LPGAT1: variants seen among roughly 807,000 people sequenced by gnomAD.
The protein encoded by LPGAT1 is lysophosphatidylglycerol acyltransferase 1.
Under a neutral mutation model 47.5 loss-of-function variants are expected in LPGAT1, and 11 were observed. The observed-to-expected ratio is 0.23, with a 90% CI of 0.15 to 0.38. LPGAT1 has a LOEUF of 0.38. LPGAT1 is among the 10% of genes least tolerant of loss of function. LPGAT1 has a pLI of 1.00. For missense variants in LPGAT1, 293 were observed against 439.0 expected (o/e 0.67, Z 2.97); for synonymous variants, 138 against 144.2 (o/e 0.96, Z 0.31).
Position 211,830,700 on chromosome 1 carries a change from C to T in LPGAT1, c.-155G>A. ...GCCCCGCTCCGGCTGTGGCGCGGCC[C>T]GCGCCCGTTCCCCGGCGGCGCCGAG... On this transcript the variant is annotated 5_prime_UTR_variant, in exon 1 of 8. Coordinates refer to ENST00000366997, the MANE Select transcript of LPGAT1 (RefSeq NM_014873.3). The surrounding 1 kb of genome is among the most constrained non-coding windows in gnomAD (Gnocchi z 5.9). The T allele has an allele frequency of 1.7e-6, 2 of 1,189,434 alleles. No homozygotes were observed. Among genetic ancestry groups the T allele is most frequent in the Non-Finnish European group, 2.1e-6 (2 of 960,646 alleles). 73.7% of individuals were successfully genotyped at this position (1,189,434 alleles called of 1,614,324 possible). A position where few individuals can be genotyped will look rare whatever the true frequency, so the allele number is the denominator to read the frequency against.
At position 211,813,229 on chromosome 1, in the gene LPGAT1, A is replaced by G. The variant is rs377093533; in HGVS notation, c.238+15830T>C. ...TCATTTCATTATCTCTTGGGGTTCA[A>G]CTCTACGAATGCATTAAAAGGAAGT... is the stretch of plus-strand genomic sequence containing the variant. On this transcript the variant is annotated intron_variant, in intron 2 of 7. Transcript: ENST00000366997. Among the ~76,000 whole-genome samples, 4 of 152,212 alleles carry G rather than the reference A, an allele frequency of 2.6e-5. No homozygotes were observed. In the East Asian group the frequency reaches 5.8e-4, roughly 22 times the overall value.
chr1:211,785,056 G>A (rs1658820647), intron 4 of LPGAT1, among the ~76,000 whole-genome samples: 1 of 152,030 alleles, frequency 6.6e-6, no homozygotes, highest in Admixed American at 6.6e-5. Context: ...GCCCCCCTTG[G>A]CCTCCCAAAG....
At chr1:211,809,250 A>T (rs1659878029) in intron 2 of LPGAT1, among the ~76,000 whole-genome samples, 1 of 152,070 alleles carries the variant, frequency 6.6e-6, no homozygotes, top group African/African-American at 2.4e-5. Context: ...GGTAGCTAAG[A>T]CTTCACATCT....
chr1:211,826,957 C>T (rs1660562539), intron 2 of LPGAT1, among the ~76,000 whole-genome samples: 1 of 152,132 alleles, frequency 6.6e-6, no homozygotes, highest in South Asian at 2.1e-4. Context: ...GCTAATATAA[C>T]ACCTGACATT....
chr1:211,747,639 C>A lies in LPGAT1; in HGVS notation c.*2260G>T, dbSNP rs1656995936. On this transcript the variant is annotated 3_prime_UTR_variant, in exon 8 of 8. Coordinates refer to ENST00000366997, the MANE Select transcript of LPGAT1 (RefSeq NM_014873.3). Reference sequence around the variant, plus strand: ...GGTCTATCAGCTAGGACCGTGCATGCTGTATTTGACAGTGAGCAACTTCTC... The same window carrying A: ...GGTCTATCAGCTAGGACCGTGCATGATGTATTTGACAGTGAGCAACTTCTC... 1 of 152,190 alleles carries A rather than the reference C, an allele frequency of 6.6e-6. No individual in the cohort carries two copies. The highest frequency in any genetic ancestry group is 1.5e-5 in the Non-Finnish European group (1 of 68,042). 9.4% of individuals were successfully genotyped at this position (152,190 alleles called of 1,614,324 possible).
intron 2 of LPGAT1, among the ~76,000 whole-genome samples, chr1:211,809,904 T>C (rs1356894441): frequency 1.3e-5 from 2 of 152,022 alleles, no homozygotes; most frequent in African/African-American, 4.8e-5. Context: ...TTCTAACATC[T>C]CCTAAAGGTA....
At chr1:211,770,527 C>G (rs569410482) in intron 6 of LPGAT1, among the ~76,000 whole-genome samples, 1 of 152,272 alleles carries the variant, frequency 6.6e-6, no homozygotes, top group African/African-American at 2.4e-5. Context: ...ACATTTCAGT[C>G]AACGACGGAC....
rs900903488 is a variant in LPGAT1 at position 211,829,872 on chromosome 1, T to G, written c.-27-549A>C. On this transcript the variant is annotated intron_variant, in intron 1 of 7. Coordinates refer to ENST00000366997, the MANE Select transcript of LPGAT1 (RefSeq NM_014873.3). ...TAGCAATAGGGTTTTTGTTTCCCTT[T>G]TTTTTTTAAGAAAAAAAATGGGGGG... is the stretch of plus-strand genomic sequence containing the variant. 4 of 984,268 alleles carry G rather than the reference T, an allele frequency of 4.1e-6. No individual in the cohort carries two copies. The East Asian group carries it at 4.6e-4, about 112-fold the overall frequency. The allele number at this position is 984,268 out of a possible 1,614,324, so 61.0% of individuals were successfully genotyped here. A position where few individuals can be genotyped will look rare whatever the true frequency, so the allele number is the denominator to read the frequency against.
intron 4 of LPGAT1, among the ~76,000 whole-genome samples, chr1:211,787,386 G>A (rs1456737478): frequency 6.6e-6 from 1 of 151,554 alleles, no homozygotes; most frequent in Admixed American, 6.6e-5. Context: ...TACTCCAAAG[G>A]CTGAGGCATG....
chr1:211,773,654 T>C (rs1658270251), intron 6 of LPGAT1, among the ~76,000 whole-genome samples: 1 of 152,226 alleles, frequency 6.6e-6, no homozygotes, highest in Non-Finnish European at 1.5e-5. Context: ...AGGACAGACA[T>C]TACTTTTGCC....
At chr1:211,821,648 T>C (rs1174110110) in intron 2 of LPGAT1, among the ~76,000 whole-genome samples, 2 of 152,202 alleles carry the variant, frequency 1.3e-5, no homozygotes, top group Non-Finnish European at 2.9e-5. Flanking sequence ...ATAGCACAGA[T>C]GTATACGCTA....
intron 2 of LPGAT1, among the ~76,000 whole-genome samples, chr1:211,825,233 C>A (rs1388449007): frequency 2.2e-5 from 3 of 136,496 alleles, no homozygotes; most frequent in Non-Finnish European, 4.6e-5. Context: ...TCTCTGTCGC[C>A]CAGATTGGAG....
At chr1:211,765,175 T>C (rs1657856170) in intron 6 of LPGAT1, among the ~76,000 whole-genome samples, 1 of 152,234 alleles carries the variant, frequency 6.6e-6, no homozygotes, top group African/African-American at 2.4e-5. Flanking sequence ...GTTTTTAAAC[T>C]TTTTATTTTG....
At chr1:211,821,708 G>A (rs1213227470) in intron 2 of LPGAT1, among the ~76,000 whole-genome samples, 2 of 152,092 alleles carry the variant, frequency 1.3e-5, no homozygotes, top group African/African-American at 2.4e-5. Flanking sequence ...AAGAGAAAGG[G>A]GAAGACACAA....
rs1164955447 is a variant in LPGAT1, at chr1:211,744,144, G to A, written c.*5755C>T. ...TCCTACCCTTTAAAGCCCTGGCCAG[G>A]GTCAGTGATAGGAATTTCCTGAGTT... On this transcript the variant is annotated 3_prime_UTR_variant, in exon 8 of 8. Transcript: ENST00000366997. 2 of 150,260 alleles carry A rather than the reference G, an allele frequency of 1.3e-5. No homozygotes were observed. Among genetic ancestry groups the A allele is most frequent in the African/African-American group, 4.8e-5 (2 of 41,282 alleles). The allele number at this position is 150,260 out of a possible 1,614,324, so 9.3% of individuals were successfully genotyped here.
intron 5 of LPGAT1, among the ~76,000 whole-genome samples, chr1:211,782,804 AATTTGATAAATGAAAATATGTATT>A (rs1194695158): frequency 1.8e-4 from 27 of 152,196 alleles, no homozygotes; most frequent in Non-Finnish European, 3.5e-4. Flanking sequence ...AAGCTTTCTC[AATTTGATAAATGAAAATATGTATT>A]ATTTGATAAA....
At chr1:211,781,234 C>CT (rs1163282510) in intron 5 of LPGAT1, among the ~76,000 whole-genome samples, 3 of 152,146 alleles carry the variant, frequency 2.0e-5, no homozygotes, top group Admixed American at 6.5e-5. Context: ...AACTACTCTG[C>CT]TTTAGTTATA....
At chr1:211,794,576 C>G (rs1659274355) in intron 2 of LPGAT1, among the ~76,000 whole-genome samples, 1 of 152,156 alleles carries the variant, frequency 6.6e-6, no homozygotes, top group Admixed American at 6.5e-5. Flanking sequence ...AAAGTATTGA[C>G]ATTACAGACA....
rs78608881 is a variant in LPGAT1 at position 211,786,889 on chromosome 1, T to C, written c.453+743A>G. Among the ~76,000 whole-genome samples, 101 of 152,308 alleles carry C rather than the reference T, an allele frequency of 6.6e-4. 1 individual carries two copies. The East Asian group carries it at 0.016, about 25-fold the overall frequency. On this transcript the variant is annotated intron_variant, in intron 4 of 7. Coordinates refer to ENST00000366997, the MANE Select transcript of LPGAT1 (RefSeq NM_014873.3). ...GTAGTAATCAAGATAAAAATGATGATGAAGGTAGTAGGCACTGTTCTGAGT... is the reference window on the plus strand; with the variant it reads ...GTAGTAATCAAGATAAAAATGATGACGAAGGTAGTAGGCACTGTTCTGAGT...
Sources: allele counts gnomAD v4.1 joint callset (sites outside exome capture counted in the v4.1 genomes callset), GRCh38; gene constraint gnomAD v4.1.1; non-coding constraint Gnocchi (gnomAD v3.1); transcripts MANE v1.5; gene names NCBI Gene and HGNC (gene_info 2026-07-23, HGNC 2026-07-21).